Variants in FGF14 observed in about 807,000 individuals in gnomAD.
FGF14 encodes the protein fibroblast growth factor homologous factor 4.
FGF14 carries 5 observed loss-of-function variants against 25.5 expected under a neutral mutation model. The observed-to-expected ratio is 0.20, with a 90% confidence interval of 0.10 to 0.41. The LOEUF (loss-of-function observed/expected upper bound fraction) is 0.41, where lower values mean the gene tolerates loss of function less well. Among genes scored for constraint, FGF14 ranks in the 10% least tolerant of loss-of-function variants. FGF14 has a pLI of 1.00. For synonymous variants in FGF14, 138 were observed against 118.3 expected (o/e 1.17, Z -1.08); for missense variants, 222 against 320.1 (o/e 0.69, Z 2.34).
chr13:101,793,356 T>C (rs1182256252), intron 3 of FGF14, among the ~76,000 whole-genome samples: 1 of 152,188 alleles, frequency 6.6e-6, no homozygotes, highest in Non-Finnish European at 1.5e-5. Flanking sequence ...TTATTTCACT[T>C]AGCATAATGT....
chr13:101,737,621 C>T (rs189549119), intron 3 of FGF14, among the ~76,000 whole-genome samples: 2 of 151,948 alleles, frequency 1.3e-5, no homozygotes, highest in East Asian at 3.9e-4. Flanking sequence ...TGGAAAAAAA[C>T]CAAATTTGTG....
intron 1 of FGF14, among the ~76,000 whole-genome samples, chr13:102,033,493 GCACGCA>G (rs531452453): frequency 4.2e-5 from 6 of 142,950 alleles, no homozygotes; most frequent in African/African-American, 1.8e-4. Context: ...GCTTGCGTGT[GCACGCA>G]CACACACACA....
intron 1 of FGF14, among the ~76,000 whole-genome samples, chr13:101,935,119 C>T (rs2035016528): frequency 6.6e-6 from 1 of 152,186 alleles, no homozygotes; most frequent in African/African-American, 2.4e-5. Flanking sequence ...TACAAGAATA[C>T]ATTTTAATAA....
chr13:102,354,806 TTAAA>T (rs2057378249), intron 1 of FGF14, among the ~76,000 whole-genome samples: 1 of 152,218 alleles, frequency 6.6e-6, no homozygotes, highest in Non-Finnish European at 1.5e-5. Context: ...ATATAATGTG[TTAAA>T]TACACACCTC....
At chr13:102,402,211 C>T (rs2058714844), upstream of FGF14, 2 of 160,202 alleles carry the variant, frequency 1.2e-5, no homozygotes, top group Admixed American at 6.0e-5. Flanking sequence ...AATCAATCGC[C>T]AGTGCTCAGT....
intron 1 of FGF14, among the ~76,000 whole-genome samples, chr13:102,130,433 C>T (rs1457184827): frequency 6.6e-6 from 1 of 152,184 alleles, no homozygotes; most frequent in African/African-American, 2.4e-5. Flanking sequence ...TCCCTCTAAG[C>T]TCCTCTTCTG....
intron 1 of FGF14, among the ~76,000 whole-genome samples, chr13:102,151,102 G>C (rs1222121265): frequency 6.6e-6 from 1 of 152,168 alleles, no homozygotes; most frequent in Non-Finnish European, 1.5e-5. Flanking sequence ...CTATCTGGTG[G>C]AGCAGAGGAA....
At chr13:102,155,430 T>A (rs1005100005) in intron 1 of FGF14, among the ~76,000 whole-genome samples, 2 of 152,072 alleles carry the variant, frequency 1.3e-5, no homozygotes, top group Admixed American at 1.3e-4. Flanking sequence ...CATAACGAAA[T>A]GAAGGCAGAA....
rs9585890 is a variant in FGF14, at chr13:102,310,167, T to C, written c.208+91304A>G. 2.2e-3 allele frequency among the ~76,000 whole-genome samples: 329 copies of C among 152,296 alleles called. 1 individual carries two copies. The highest frequency in any genetic ancestry group is 7.5e-3 in the African/African-American group (310 of 41,566). On this transcript the variant is annotated intron_variant, in intron 1 of 4. Coordinates refer to the FGF14 transcript ENST00000376131. ...GCTTGGCTTTGAATTGGGAAAACTT[T>C]GGAAAGGCTTTAATTCTAACAAGCC... is the stretch of plus-strand genomic sequence containing the variant.
intron 1 of FGF14, among the ~76,000 whole-genome samples, chr13:102,237,450 G>A (rs1330556057): frequency 3.9e-5 from 6 of 152,156 alleles, no homozygotes; most frequent in Admixed American, 1.3e-4. Context: ...TGCGAGGGGC[G>A]CATGCCCAGC....
At chr13:101,884,791 TATC>T (rs1289936517) in intron 1 of FGF14, among the ~76,000 whole-genome samples, 1 of 151,960 alleles carries the variant, frequency 6.6e-6, no homozygotes, top group East Asian at 1.9e-4. Context: ...GGAAATGTAT[TATC>T]ATTTAAAAAG....
chr13:102,389,321 G>A (rs2058378433), intron 1 of FGF14, among the ~76,000 whole-genome samples: 1 of 152,118 alleles, frequency 6.6e-6, no homozygotes, highest in South Asian at 2.1e-4. Flanking sequence ...CATATAGGAT[G>A]TATACTACCT....
chr13:102,316,948 C>T (rs1190520112), intron 1 of FGF14, among the ~76,000 whole-genome samples: 1 of 152,058 alleles, frequency 6.6e-6, no homozygotes, highest in Admixed American at 6.6e-5. Flanking sequence ...GCAGTAAATT[C>T]ACCTCATGAT....
At chr13:101,853,265 T>C (rs1275804016) in intron 3 of FGF14, among the ~76,000 whole-genome samples, 2 of 152,036 alleles carry the variant, frequency 1.3e-5, no homozygotes, top group Non-Finnish European at 2.9e-5. Flanking sequence ...TTCTGGTTCA[T>C]GGGGAAGTAT....
intron 1 of FGF14, among the ~76,000 whole-genome samples, chr13:102,193,377 A>G (rs1272873183): frequency 6.6e-6 from 1 of 152,190 alleles, no homozygotes; most frequent in Non-Finnish European, 1.5e-5. Flanking sequence ...TAATTACAAC[A>G]TAGACATTTT....
intron 1 of FGF14, among the ~76,000 whole-genome samples, chr13:102,244,193 T>C (rs2051743739): frequency 6.6e-6 from 1 of 152,094 alleles, no homozygotes; most frequent in Admixed American, 6.6e-5. Flanking sequence ...CTGAATCTTC[T>C]TGGAATTTGA....
chr13:101,961,180 C>G (rs2036834280), intron 1 of FGF14, among the ~76,000 whole-genome samples: 1 of 152,242 alleles, frequency 6.6e-6, no homozygotes, highest in South Asian at 2.1e-4. Context: ...TGCAGAAGCT[C>G]TTAAGTTTAA....
chr13:101,723,068 C>T, intron 4 of FGF14, 101 bp from the exon 5 acceptor site: 1 of 1,408,276 alleles, frequency 7.1e-7, no homozygotes. Context: ...TTGCCCATTT[C>T]TGTTTTCCCT....
chr13:102,263,462 AC>A (rs2052823126), intron 1 of FGF14, among the ~76,000 whole-genome samples: 1 of 152,090 alleles, frequency 6.6e-6, no homozygotes, highest in African/African-American at 2.4e-5. Context: ...CATGAAAGGC[AC>A]CCCCAATAGA....
Sources: gnomAD v4.1 joint callset for allele counts (sites outside exome capture counted in the v4.1 genomes callset) on GRCh38, gnomAD v4.1.1 for gene constraint, MANE v1.5 for transcripts, NCBI Gene and HGNC (gene_info 2026-07-23, HGNC 2026-07-21) for gene names.